The following NIM1K variants were observed in gnomAD, a reference collection of about 807,000 sequenced individuals.
NIM1K encodes the protein NIM1 serine/threonine protein kinase.
NIM1K carries 35 observed loss-of-function variants against 37.1 expected under a neutral mutation model. That is an observed-to-expected ratio of 0.94 (90% CI 0.72 to 1.25). The LOEUF (loss-of-function observed/expected upper bound fraction) is 1.25. NIM1K is among the 50% of genes most tolerant of loss of function. NIM1K has a pLI of 0.00. For synonymous variants in NIM1K, 234 were observed against 206.6 expected (o/e 1.13, Z -1.14); for missense variants, 564 against 548.0 (o/e 1.03, Z -0.29).
intron 1 of NIM1K, chr5:43,232,973 G>A (rs758239089): frequency 1.7e-5 from 20 of 1,143,774 alleles, no homozygotes; most frequent in Non-Finnish European, 2.4e-5. Context: ...TTCAGGTCTA[G>A]AAACACTGCC....
At chr5:43,241,838 C>T (rs942570379) in intron 1 of NIM1K, among the ~76,000 whole-genome samples, 6 of 151,840 alleles carry the variant, frequency 4.0e-5, no homozygotes, top group South Asian at 2.1e-4. Context: ...TAATGGCTTT[C>T]GCTGAGATCA....
chr5:43,245,804 G>T lies in NIM1K; in HGVS notation c.29G>T (p.Gly10Val). 1 of 1,610,076 alleles carries T rather than the reference G, an allele frequency of 6.2e-7. No individual in the cohort carries two copies. The highest frequency in any genetic ancestry group is 2.2e-5 in the East Asian group (1 of 44,812). MTAVYMNGG[G>V]LVNPHYARWD... is the part of the protein sequence containing the mutation. ...ACTGCAGTGTATATGAATGGAGGTG[G>T]CCTGGTGAACCCCCACTATGCCCGG... is the stretch of plus-strand genomic sequence containing the variant. The change falls in exon 2 of 4, where the codon GGC (glycine) becomes GTC (valine). Residue 10 changes from glycine to valine, a missense_variant. By Grantham distance (109) the Gly-to-Val change is moderately radical (BLOSUM62 -3). Transcript: ENST00000326035.
chr5:43,252,966 C>A (rs547450366), intron 2 of NIM1K, among the ~76,000 whole-genome samples: 27 of 149,162 alleles, frequency 1.8e-4, no homozygotes, highest in Non-Finnish European at 3.1e-4. Context: ...TCATTCTTTC[C>A]TTCCTTCCTT....
chr5:43,233,175 A>G lies in NIM1K; in HGVS notation c.-694-11907A>G. 3 of 1,231,734 alleles carry G rather than the reference A, an allele frequency of 2.4e-6. No individual in the cohort carries two copies. The South Asian group carries it at 3.7e-5, about 15-fold the overall frequency. The allele number at this position is 1,231,734 out of a possible 1,614,324, so 76.3% of individuals were successfully genotyped here. On this transcript the variant is annotated intron_variant, in intron 1 of 3. Transcript: ENST00000326035. ...TGAGATGGAGATGCGGTCACGCATG[A>G]TTACTGCTTCACGGCTGCCGAGGCG... is the stretch of plus-strand genomic sequence containing the variant.
chr5:43,242,798 C>G (rs1181870307), intron 1 of NIM1K: 1 of 151,330 alleles, frequency 6.6e-6, no homozygotes, highest in Non-Finnish European at 1.5e-5. Context: ...TTCCTGCCCA[C>G]CTGGTGCTTT....
intron 1 of NIM1K, among the ~76,000 whole-genome samples, chr5:43,203,962 G>A (rs1015569914): frequency 1.0e-4 from 15 of 150,200 alleles, no homozygotes; most frequent in Non-Finnish European, 2.1e-4. Flanking sequence ...GGAGGCAGAA[G>A]TTGCAATGAG....
rs139708370 is a variant in NIM1K at position 43,221,135 on chromosome 5, T to C, written c.-694-23947T>C. Among the ~76,000 whole-genome samples, 52 of 152,182 alleles carry C rather than the reference T, an allele frequency of 3.4e-4. 1 individual carries two copies. The East Asian group carries it at 0.01, about 29-fold the overall frequency. On this transcript the variant is annotated intron_variant, in intron 1 of 3. Transcript: ENST00000326035. ...TAAGAGAATACTGTTAAGTGAGTTG[T>C]GGTGTTGATGGGGCAGAGAGAAGAG...
intron 3 of NIM1K, among the ~76,000 whole-genome samples, chr5:43,277,736 C>T (rs1172771469): frequency 2.6e-5 from 4 of 151,188 alleles, no homozygotes; most frequent in Admixed American, 6.6e-5. Flanking sequence ...ACTTCATGCC[C>T]AGCTTGGTTC....
At chr5:43,274,899 C>A (rs1385562096) in intron 2 of NIM1K, among the ~76,000 whole-genome samples, 4 of 152,190 alleles carry the variant, frequency 2.6e-5, no homozygotes, top group African/African-American at 9.7e-5. Flanking sequence ...CAAACAGGTA[C>A]TTTGGGATCC....
intron 1 of NIM1K, among the ~76,000 whole-genome samples, chr5:43,211,310 G>C (rs1236634064): frequency 6.6e-6 from 1 of 152,160 alleles, no homozygotes; most frequent in African/African-American, 2.4e-5. Flanking sequence ...TTGTAAATAG[G>C]TCTCTTTGAC....
intron 1 of NIM1K, among the ~76,000 whole-genome samples, chr5:43,237,347 C>G (rs1269937889): frequency 6.6e-6 from 1 of 152,182 alleles, no homozygotes; most frequent in African/African-American, 2.4e-5. Flanking sequence ...ATAGCAACAG[C>G]AAGCTAATAA....
At chr5:43,228,840 T>G (rs1382410084) in intron 1 of NIM1K, among the ~76,000 whole-genome samples, 2 of 151,914 alleles carry the variant, frequency 1.3e-5, no homozygotes, top group African/African-American at 4.8e-5. Flanking sequence ...CAAAAACAAT[T>G]AATTAATTAA....
intron 2 of NIM1K, among the ~76,000 whole-genome samples, chr5:43,256,976 A>G (rs554769388): frequency 6.6e-6 from 1 of 152,246 alleles, no homozygotes; most frequent in Non-Finnish European, 1.5e-5. Flanking sequence ...CCGAACCCAA[A>G]CTAAGACGAC....
chr5:43,233,796 C>T (rs1016923434), intron 1 of NIM1K, among the ~76,000 whole-genome samples: 2 of 152,164 alleles, frequency 1.3e-5, no homozygotes, highest in African/African-American at 2.4e-5. Flanking sequence ...GTTCCCGCAC[C>T]GTTTCCTAAA....
chr5:43,270,623 G>T (rs1753241902), intron 2 of NIM1K, among the ~76,000 whole-genome samples: 1 of 152,202 alleles, frequency 6.6e-6, no homozygotes, highest in Non-Finnish European at 1.5e-5. Flanking sequence ...ACTAGGGAAA[G>T]TATGTCTGCC....
At chr5:43,240,203 A>C (rs1752679753) in intron 1 of NIM1K, 1 of 151,580 alleles carries the variant, frequency 6.6e-6, no homozygotes, top group Admixed American at 6.6e-5. Context: ...CTTCCTGAGT[A>C]GCTGGGACTA....
Position 43,245,791 on chromosome 5 carries a change from A to G in NIM1K, c.16A>G (p.Met6Val). Reference protein sequence around the residue: MTAVYMNGGGLVNPHY... With the variant: MTAVYVNGGGLVNPHY... ...CCCGTGGACGATGACTGCAGTGTAT[A>G]TGAATGGAGGTGGCCTGGTGAACCC... Residue 6 changes from methionine to valine, a missense_variant, in exon 2 of 4, where the codon ATG becomes GTG. Met to Val is a conservative substitution (Grantham distance 21, BLOSUM62 1). Transcript: ENST00000326035. 1 of 1,606,284 alleles carries G rather than the reference A, an allele frequency of 6.2e-7. No individual in the cohort carries two copies. Among genetic ancestry groups the G allele is most frequent in the Non-Finnish European group, 8.5e-7 (1 of 1,175,448 alleles).
At position 43,254,191 on chromosome 5, in the gene NIM1K, G is replaced by T. The variant is rs138980625; in HGVS notation, c.292+8124G>T. Among the ~76,000 whole-genome samples, 19 of 152,304 alleles carry T rather than the reference G, an allele frequency of 1.2e-4. No homozygotes were observed. The East Asian group carries it at 3.5e-3, about 28-fold the overall frequency. Reference sequence around the variant, plus strand: ...GTCTTAGGATATTGAAAAACCTTGTGATCAATGGTATGGGTGAGAGCAGGA... The same window carrying T: ...GTCTTAGGATATTGAAAAACCTTGTTATCAATGGTATGGGTGAGAGCAGGA... On this transcript the variant is annotated intron_variant, in intron 2 of 3. Transcript: ENST00000326035.
chr5:43,252,041 A>G (rs1752873654), intron 2 of NIM1K, among the ~76,000 whole-genome samples: 1 of 152,130 alleles, frequency 6.6e-6, no homozygotes, highest in Admixed American at 6.6e-5. Context: ...TAGAGACATT[A>G]GCTAGCTAAG....
Sources: gnomAD v4.1 joint callset for allele counts (sites outside exome capture counted in the v4.1 genomes callset) on GRCh38, gnomAD v4.1.1 for gene constraint, MANE v1.5 for transcripts, NCBI Gene and HGNC (gene_info 2026-07-23, HGNC 2026-07-21) for gene names.